Variants in PHACTR4 observed in about 807,000 individuals in gnomAD.
PHACTR4 encodes the protein phosphatase and actin regulator 4.
PHACTR4 carries 51 observed loss-of-function variants against 72.7 expected under a neutral mutation model. The ratio of observed to expected loss-of-function variants is 0.70; its 90% CI spans 0.56 to 0.89. The LOEUF (loss-of-function observed/expected upper bound fraction) is 0.89, where lower values mean the gene tolerates loss of function less well. Among genes scored for constraint, PHACTR4 ranks in the 40% least tolerant of loss-of-function variants. The pLI, the probability that PHACTR4 is intolerant of heterozygous loss-of-function variation, is 0.00. For synonymous variants in PHACTR4, 255 were observed against 302.5 expected (o/e 0.84, Z 1.63); for missense variants, 731 against 861.8 (o/e 0.85, Z 1.90).
At chr1:28,477,832 G>A (rs911046671) in intron 8 of PHACTR4, among the ~76,000 whole-genome samples, 2 of 151,948 alleles carry the variant, frequency 1.3e-5, no homozygotes, top group African/African-American at 4.8e-5. Context: ...GAACACAGGT[G>A]TGAGCCACCA....
intron 1 of PHACTR4, among the ~76,000 whole-genome samples, chr1:28,372,084 C>A (rs935502156): frequency 1.3e-5 from 2 of 149,846 alleles, no homozygotes; most frequent in Non-Finnish European, 1.5e-5. Flanking sequence ...GGTGTTTCAC[C>A]GTGTTGGCCA....
chr1:28,387,402 C>T (rs946642289), intron 1 of PHACTR4, among the ~76,000 whole-genome samples: 1 of 151,996 alleles, frequency 6.6e-6, no homozygotes, highest in Non-Finnish European at 1.5e-5. Flanking sequence ...TGGATTAATC[C>T]CTGTTAAAAA....
At chr1:28,459,398 T>A in intron 3 of PHACTR4, 140 bp downstream of exon 3, 46 of 314,782 alleles carry the variant, frequency 1.5e-4, no homozygotes, top group Middle Eastern at 1.2e-3. Context: ...CCTTCTTCTT[T>A]TTTTTTTTTT....
chr1:28,411,552 T>C lies in PHACTR4; in HGVS notation c.16+4089T>C, dbSNP rs115878777. On this transcript the variant is annotated intron_variant, in intron 2 of 13. Coordinates refer to ENST00000373839, the MANE Select transcript of PHACTR4 (RefSeq NM_001048183.3). The stretch of plus-strand genomic sequence containing the variant: ...ACATATACATATGATAAGAATTTGG[T>C]GTACTCAGTGTCATTTGACAAAGAA... Among the ~76,000 whole-genome samples the C allele has an allele frequency of 3.4e-3, 514 of 152,328 alleles. 1 individual carries two copies. Among genetic ancestry groups the C allele is most frequent in the Non-Finnish European group, 6.5e-3 (445 of 68,024 alleles).
At chr1:28,383,328 C>T (rs1240728117) in intron 1 of PHACTR4, among the ~76,000 whole-genome samples, 1 of 151,978 alleles carries the variant, frequency 6.6e-6, no homozygotes, top group African/African-American at 2.4e-5. Context: ...TTAGGATTTC[C>T]TTGGCTCTTT....
chr1:28,457,334 C>T (rs550273495), intron 2 of PHACTR4: 2 of 447,306 alleles, frequency 4.5e-6, no homozygotes, highest in South Asian at 3.2e-5. Context: ...GTGGTACACA[C>T]CTTTAATCCC....
chr1:28,432,369 C>T (rs561621194), intron 2 of PHACTR4, among the ~76,000 whole-genome samples: 2 of 132,264 alleles, frequency 1.5e-5, no homozygotes, highest in African/African-American at 6.1e-5. Context: ...ATCTCTCTCT[C>T]TCTTTTTTTT....
At chr1:28,481,596 C>G (rs1166159656) in intron 9 of PHACTR4, 1 of 151,964 alleles carries the variant, frequency 6.6e-6, no homozygotes, top group Non-Finnish European at 1.5e-5. Flanking sequence ...TCAAGACCAG[C>G]CTGACCAATA....
intron 2 of PHACTR4, among the ~76,000 whole-genome samples, chr1:28,424,635 C>T (rs1244655841): frequency 1.3e-5 from 2 of 151,700 alleles, no homozygotes; most frequent in African/African-American, 2.4e-5. Flanking sequence ...ACTACAGGCA[C>T]GTGCCACCAC....
intron 2 of PHACTR4, among the ~76,000 whole-genome samples, chr1:28,450,585 AC>A (rs1241085909): frequency 6.6e-6 from 1 of 151,976 alleles, no homozygotes; most frequent in Non-Finnish European, 1.5e-5. Context: ...ATTTCTGGAT[AC>A]CTGAGTATAT....
chr1:28,370,605 T>G (rs1017645148), intron 1 of PHACTR4, among the ~76,000 whole-genome samples: 1 of 77,752 alleles, frequency 1.3e-5, no homozygotes. Flanking sequence ...CATCACTGAT[T>G]GCTTGCAAAA....
chr1:28,488,717 A>G (rs1478727182), intron 9 of PHACTR4, among the ~76,000 whole-genome samples: 1 of 152,074 alleles, frequency 6.6e-6, no homozygotes, highest in Non-Finnish European at 1.5e-5. Flanking sequence ...CTATATATAG[A>G]TATATGTAAT....
intron 1 of PHACTR4, among the ~76,000 whole-genome samples, chr1:28,400,376 TAAAAA>T (rs60558818): frequency 7.7e-6 from 1 of 129,416 alleles, no homozygotes. Flanking sequence ...CCATCTCAAT[TAAAAA>T]AAAAAAAAAA....
chr1:28,401,247 C>G (rs969505080), intron 1 of PHACTR4, among the ~76,000 whole-genome samples: 1 of 150,982 alleles, frequency 6.6e-6, no homozygotes, highest in Non-Finnish European at 1.5e-5. Flanking sequence ...AGTTTTAAAA[C>G]GCATTTTGAG....
At chr1:28,447,395 C>CTTT (rs970088054) in intron 2 of PHACTR4, among the ~76,000 whole-genome samples, 1 of 132,788 alleles carries the variant, frequency 7.5e-6, no homozygotes, top group Non-Finnish European at 1.6e-5. Context: ...TTTCTTTTTT[C>CTTT]TTTTTTTTTT....
intron 1 of PHACTR4, among the ~76,000 whole-genome samples, chr1:28,398,593 C>T (rs958148275): frequency 2.6e-5 from 4 of 151,284 alleles, no homozygotes; most frequent in African/African-American, 7.3e-5. Flanking sequence ...CTAAGGCAGG[C>T]GGATCGCTTG....
chr1:28,440,774 A>G (rs1656969532), intron 2 of PHACTR4, among the ~76,000 whole-genome samples: 1 of 152,220 alleles, frequency 6.6e-6, no homozygotes, highest in African/African-American at 2.4e-5. Context: ...ATGAAGGCTT[A>G]ACTGAAAACC....
intron 9 of PHACTR4, among the ~76,000 whole-genome samples, chr1:28,486,280 G>A (rs188430453): frequency 4.1e-4 from 61 of 150,330 alleles, no homozygotes; most frequent in African/African-American, 1.3e-3. Context: ...CACTTGAACC[G>A]GGGAGGCAGA....
At chr1:28,437,650 C>T (rs1304045402) in intron 2 of PHACTR4, among the ~76,000 whole-genome samples, 1 of 152,148 alleles carries the variant, frequency 6.6e-6, no homozygotes, top group African/African-American at 2.4e-5. Context: ...TGCGTAGCCT[C>T]ACATGATGGA....
Sources: allele counts gnomAD v4.1 joint callset (sites outside exome capture counted in the v4.1 genomes callset), GRCh38; gene constraint gnomAD v4.1.1; transcripts MANE v1.5; gene names NCBI Gene and HGNC (gene_info 2026-07-23, HGNC 2026-07-21).